The following HDAC4 variants were observed in gnomAD, a reference collection of about 807,000 sequenced individuals.
HDAC4 encodes the protein histone deacetylase 4, also known as histone deacetylase A.
Under a neutral mutation model 135.1 loss-of-function variants are expected in HDAC4, and 16 were observed. The observed-to-expected ratio is 0.12, with a 90% CI of 0.08 to 0.18. The LOEUF (loss-of-function observed/expected upper bound fraction) is 0.18. HDAC4 is among the 10% of genes least tolerant of loss of function. The pLI is 1.00. For missense variants in HDAC4, 1,143 were observed against 1,511.8 expected, an observed-to-expected ratio of 0.76 and a Z score of 4.05; for synonymous variants, 685 against 653.4, an observed-to-expected ratio of 1.05 and a Z score of -0.74.
chr2:239,365,711 G>C (rs1002235355), intron 1 of HDAC4, among the ~76,000 whole-genome samples: 1 of 150,874 alleles, frequency 6.6e-6, no homozygotes, highest in African/African-American at 2.4e-5. Context: ...GACACACACA[G>C]ACATGCATGC....
At chr2:239,061,876 C>A (rs2032793028) in intron 24 of HDAC4, among the ~76,000 whole-genome samples, 1 of 152,218 alleles carries the variant, frequency 6.6e-6, no homozygotes, top group Non-Finnish European at 1.5e-5. Flanking sequence ...GCATTTTAAC[C>A]CTGAAATGCC....
Position 239,094,519 on chromosome 2 carries a change from A to G in HDAC4, c.2280+491T>C, listed in dbSNP as rs865947083. On this transcript the variant is annotated intron_variant, in intron 17 of 26. Coordinates refer to ENST00000543185, the MANE Select transcript of HDAC4 (RefSeq NM_001378414.1). ...TGATTCATATGCCCAGGCCAGGTCC[A>G]TATCATCAGCTCACAGAAGCCAGCA... is the stretch of plus-strand genomic sequence containing the variant. 5.8e-6 allele frequency: 6 copies of G among 1,042,084 alleles called. No individual in the cohort carries two copies. In the African/African-American group the frequency reaches 6.8e-5, roughly 12 times the overall value. 64.6% of individuals were successfully genotyped at this position (1,042,084 alleles called of 1,614,324 possible).
At chr2:239,089,945 T>A (rs1210631023) in intron 18 of HDAC4, 64 bp downstream of exon 18, 1 of 1,243,068 alleles carries the variant, frequency 8.0e-7, no homozygotes, top group Admixed American at 1.7e-5. Flanking sequence ...GGGCGGCCCC[T>A]CCCCACACTG....
rs1453339254 is a variant in HDAC4, at chr2:239,245,968, C to T, written c.23-9304G>A. Among the ~76,000 whole-genome samples, 1 of 152,156 alleles carries T rather than the reference C, an allele frequency of 6.6e-6. No individual in the cohort carries two copies. The highest frequency in any genetic ancestry group is 2.4e-5 in the African/African-American group (1 of 41,430). On this transcript the variant is annotated intron_variant, in intron 2 of 26. Transcript: ENST00000543185. This position sits in a 1 kb window ranked among gnomAD's most constrained non-coding sequence, Gnocchi z 4.4. Reference sequence around the variant, plus strand: ...AGAGTGAGCAACGCAGAGGCCTGGCCCCGGCCCAGCAGAACCGGCAACCCA... The same window carrying T: ...AGAGTGAGCAACGCAGAGGCCTGGCTCCGGCCCAGCAGAACCGGCAACCCA...
At chr2:239,386,343 C>T (rs989666745) in intron 1 of HDAC4, among the ~76,000 whole-genome samples, 2 of 151,892 alleles carry the variant, frequency 1.3e-5, no homozygotes, top group Non-Finnish European at 2.9e-5. Flanking sequence ...ACTGGAGGGA[C>T]GAGGAAAGAC....
chr2:239,081,327 C>A, intron 21 of HDAC4, 135 bp from the exon 22 acceptor site: 1 of 733,662 alleles, frequency 1.4e-6, no homozygotes, highest in East Asian at 2.7e-5. Flanking sequence ...GTCCTGATCT[C>A]CTGGTGCATA....
rs2052709778 is a variant in HDAC4, at chr2:239,308,348, T to A, written c.22+44330A>T. ...GACAAGAGGATAACCTGCTTGGTAC[T>A]CAGCAACAGGCTTTCCTAATAAGAA... On this transcript the variant is annotated intron_variant, in intron 2 of 26. Transcript: ENST00000543185. The surrounding 1 kb of genome is among the most constrained non-coding windows in gnomAD (Gnocchi z 4.2). 6.6e-6 allele frequency among the ~76,000 whole-genome samples: 1 copy of A among 152,158 alleles called. No individual in the cohort carries two copies. Among genetic ancestry groups the A allele is most frequent in the African/African-American group, 2.4e-5 (1 of 41,438 alleles).
At chr2:239,196,238 T>C (rs1299350586) in intron 3 of HDAC4, among the ~76,000 whole-genome samples, 1 of 152,166 alleles carries the variant, frequency 6.6e-6, no homozygotes, top group Non-Finnish European at 1.5e-5. Context: ...TCCTTCACCC[T>C]TTATTTATTG....
intron 2 of HDAC4, among the ~76,000 whole-genome samples, chr2:239,302,590 C>A (rs963517980): frequency 6.6e-6 from 1 of 152,242 alleles, no homozygotes; most frequent in Non-Finnish European, 1.5e-5. Context: ...CCTCTTCCAG[C>A]GACACAGTGG....
chr2:239,366,835 G>A (rs1040812876), intron 1 of HDAC4, among the ~76,000 whole-genome samples: 10 of 136,706 alleles, frequency 7.3e-5, no homozygotes, highest in South Asian at 6.2e-4. Flanking sequence ...CCTGCCCTAC[G>A]CAGGGCACCC....
chr2:239,059,316 TG>T (rs1429555675), intron 24 of HDAC4, among the ~76,000 whole-genome samples: 9 of 151,962 alleles, frequency 5.9e-5, no homozygotes, highest in Admixed American at 5.9e-4. Context: ...AGAAGATAGA[TG>T]GGAAAGCAGA....
At chr2:239,347,639 C>G (rs986371166) in intron 2 of HDAC4, among the ~76,000 whole-genome samples, 1 of 152,108 alleles carries the variant, frequency 6.6e-6, no homozygotes, top group Non-Finnish European at 1.5e-5. Context: ...CTCAGCCTCC[C>G]GAGTAGCTGG....
intron 1 of HDAC4, among the ~76,000 whole-genome samples, chr2:239,378,338 C>T (rs931697391): frequency 6.6e-6 from 1 of 152,188 alleles, no homozygotes; most frequent in Non-Finnish European, 1.5e-5. Flanking sequence ...GAGTTGGCAG[C>T]TGGGGTCCAC....
At chr2:239,317,891 A>C (rs1349498992) in intron 2 of HDAC4, among the ~76,000 whole-genome samples, 1 of 150,574 alleles carries the variant, frequency 6.6e-6, no homozygotes, top group Non-Finnish European at 1.5e-5. Flanking sequence ...GTTTCCAAGA[A>C]CCTCCTGAGG....
intron 25 of HDAC4, among the ~76,000 whole-genome samples, 194 bp from the exon 26 acceptor site, chr2:239,053,795 G>A (rs572941070): frequency 3.4e-4 from 52 of 152,314 alleles, no homozygotes; most frequent in African/African-American, 1.2e-3. Context: ...AAAAATCTCT[G>A]GAAATGTTTC....
chr2:239,169,504 G>T (rs1169119368), intron 5 of HDAC4, among the ~76,000 whole-genome samples: 1 of 152,256 alleles, frequency 6.6e-6, no homozygotes, highest in African/African-American at 2.4e-5. Context: ...GCCCCGCCCA[G>T]CAGGCCGTGG....
rs146606443 is a variant in HDAC4, at chr2:239,171,410, T to C, written c.490+5003A>G. Among the ~76,000 whole-genome samples the C allele has an allele frequency of 2.7e-4, 41 of 152,314 alleles. No individual in the cohort carries two copies. In the East Asian group the frequency reaches 6.8e-3, roughly 25 times the overall value. On this transcript the variant is annotated intron_variant, in intron 5 of 26. Transcript: ENST00000543185. ...ATTATTGTGCAGGTAAAGCACAAAT[T>C]AGGGAAGTGGATGATAAATTGGAAG...
At chr2:239,297,027 TAA>T (rs71043186) in intron 2 of HDAC4, among the ~76,000 whole-genome samples, 11,031 of 118,070 alleles carry the variant, frequency 0.093, 1,023 homozygotes, top group East Asian at 0.44. Flanking sequence ...TGTTTTCATG[TAA>T]AAAAAAAAAA....
At chr2:239,210,295 GA>G (rs1449263666) in intron 3 of HDAC4, among the ~76,000 whole-genome samples, 8 of 152,152 alleles carry the variant, frequency 5.3e-5, no homozygotes, top group Admixed American at 5.2e-4. Flanking sequence ...ATGAATCTTA[GA>G]AACAATGCTG....
Sources: gnomAD v4.1 joint callset for allele counts (sites outside exome capture counted in the v4.1 genomes callset) on GRCh38, gnomAD v4.1.1 for gene constraint, Gnocchi (gnomAD v3.1) non-coding constraint, MANE v1.5 for transcripts, NCBI Gene and HGNC (gene_info 2026-07-23, HGNC 2026-07-21) for gene names.